Variants in CLGN observed in about 807,000 individuals in gnomAD.
CLGN encodes calmegin, also known as testis tissue sperm-binding protein Li 79P.
Under a neutral mutation model 79.1 loss-of-function variants are expected in CLGN, and 62 were observed. That is an observed-to-expected ratio of 0.78 (90% CI 0.64 to 0.97). CLGN has a LOEUF of 0.97. Among genes scored for constraint, CLGN ranks in the 50% least tolerant of loss-of-function variants. CLGN has a pLI of 0.00. For missense variants in CLGN, 647 were observed against 715.5 expected, an observed-to-expected ratio of 0.90 and a Z score of 1.09; for synonymous variants, 225 against 224.7, an observed-to-expected ratio of 1.00 and a Z score of -0.01.
At chr4:140,419,592 T>A (rs1053346404) in intron 1 of CLGN, among the ~76,000 whole-genome samples, 27 of 152,066 alleles carry the variant, frequency 1.8e-4, no homozygotes, top group African/African-American at 6.0e-4. Flanking sequence ...GTGGTAGAGT[T>A]TTACTAAAAT....
At chr4:140,402,457 C>A (rs1729017919) in intron 5 of CLGN, among the ~76,000 whole-genome samples, 1 of 151,972 alleles carries the variant, frequency 6.6e-6, no homozygotes, top group Non-Finnish European at 1.5e-5. Flanking sequence ...GCCGTAAGAA[C>A]CACAGCTACA....
intron 6 of CLGN, among the ~76,000 whole-genome samples, 184 bp from the exon 7 acceptor site, chr4:140,400,733 AT>A (rs929907433): frequency 2.6e-5 from 4 of 152,130 alleles, no homozygotes; most frequent in Admixed American, 6.6e-5. Flanking sequence ...TTCAATATAG[AT>A]TTTTTTAAGT....
intron 1 of CLGN, among the ~76,000 whole-genome samples, chr4:140,417,356 TTAGGCA>T (rs1444159185): frequency 1.4e-5 from 2 of 142,854 alleles, no homozygotes; most frequent in South Asian, 2.4e-4. Context: ...GCCAGGGCAA[TTAGGCA>T]GGAGAAGGAA....
intron 1 of CLGN, among the ~76,000 whole-genome samples, chr4:140,419,949 T>C (rs1249088897): frequency 6.6e-6 from 1 of 152,198 alleles, no homozygotes; most frequent in East Asian, 1.9e-4. Flanking sequence ...TCTAAAAGCC[T>C]AAGGGCCTTC....
At chr4:140,390,279 TA>T in intron 14 of CLGN, among the ~76,000 whole-genome samples, 1 of 151,892 alleles carries the variant, frequency 6.6e-6, no homozygotes, top group East Asian at 1.9e-4. Context: ...ACAACAGCTA[TA>T]AAAATTATAA....
intron 1 of CLGN, among the ~76,000 whole-genome samples, chr4:140,416,452 T>C (rs1181549337): frequency 2.6e-5 from 4 of 150,998 alleles, no homozygotes; most frequent in Non-Finnish European, 5.9e-5. Flanking sequence ...GATAGACTGC[T>C]AGCAAGACTA....
chr4:140,394,318 T>C (rs1053783313), intron 10 of CLGN, among the ~76,000 whole-genome samples: 1 of 152,220 alleles, frequency 6.6e-6, no homozygotes, highest in Admixed American at 6.5e-5. Context: ...TCACAATTTG[T>C]CTACTTTGGA....
At chr4:140,412,694 A>G (rs1254221900) in intron 2 of CLGN, among the ~76,000 whole-genome samples, 1 of 152,174 alleles carries the variant, frequency 6.6e-6, no homozygotes. Context: ...TCCTGTTTTG[A>G]TAGTAAAAAC....
At chr4:140,423,834 T>C (rs1010678344) in intron 1 of CLGN, among the ~76,000 whole-genome samples, 2 of 152,218 alleles carry the variant, frequency 1.3e-5, no homozygotes, top group Non-Finnish European at 2.9e-5. Context: ...TATTCTCTTA[T>C]AATCCCTCTT....
In CLGN at chr4:140,401,938, T is replaced by C. The variant is rs1296679062; in HGVS notation, c.501+47A>G. ...AGTTTTATCATTTGTTCCTTAAAAA[T>C]ACTTATTAACTTTAATAAGGTTTTC... is the stretch of plus-strand genomic sequence containing the variant. On this transcript the variant is annotated intron_variant, in intron 6 of 14. Coordinates refer to ENST00000325617, the MANE Select transcript of CLGN (RefSeq NM_004362.3). 5 of 1,011,054 alleles carry C rather than the reference T, an allele frequency of 4.9e-6. No individual in the cohort carries two copies. In the Admixed American group the frequency reaches 9.8e-5, roughly 20 times the overall value. The allele number at this position is 1,011,054 out of a possible 1,614,324, so 62.6% of individuals were successfully genotyped here.
intron 1 of CLGN, among the ~76,000 whole-genome samples, chr4:140,416,417 G>T (rs1283273082): frequency 6.8e-6 from 1 of 148,114 alleles, no homozygotes; most frequent in African/African-American, 2.5e-5. Flanking sequence ...CCAGGAGCTG[G>T]TTTTTTGAAA....
At chr4:140,412,725 T>G (rs1729236237) in intron 2 of CLGN, among the ~76,000 whole-genome samples, 1 of 152,204 alleles carries the variant, frequency 6.6e-6, no homozygotes, top group Non-Finnish European at 1.5e-5. Flanking sequence ...TTTATTTGTT[T>G]AAGAAACTGT....
At chr4:140,418,067 T>G (rs953914453) in intron 1 of CLGN, among the ~76,000 whole-genome samples, 2 of 146,912 alleles carry the variant, frequency 1.4e-5, no homozygotes, top group African/African-American at 5.0e-5. Context: ...AACTATCTGA[T>G]CTTTGACAAA....
intron 1 of CLGN, among the ~76,000 whole-genome samples, chr4:140,418,986 A>G (rs1010108776): frequency 1.3e-5 from 2 of 152,250 alleles, no homozygotes; most frequent in Non-Finnish European, 2.9e-5. Flanking sequence ...GGATTAAGAA[A>G]ATATGGCACA....
chr4:140,396,175 A>G lies in CLGN; in HGVS notation c.915T>C (p.Asp305=). ...AGCCAGCAGGTTTAACAACACTTGA[A>G]TCTTCTATTTGGGCAGGTTCACTTT... ...WDESEPAQIE[D]SSVVKPAGWL... The change falls in exon 9 of 15, where the codon GAT becomes GAC. Residue 305 remains aspartate, a synonymous_variant. Transcript: ENST00000325617. 1 of 1,614,158 alleles carries G rather than the reference A, an allele frequency of 6.2e-7. No homozygotes were observed. Among genetic ancestry groups the G allele is most frequent in the Middle Eastern group, 1.6e-4 (1 of 6,062 alleles).
intron 4 of CLGN, among the ~76,000 whole-genome samples, chr4:140,407,723 T>C (rs1729135139): frequency 1.3e-5 from 2 of 151,906 alleles, no homozygotes; most frequent in African/African-American, 4.8e-5. Flanking sequence ...TGCTCATGGA[T>C]TGGAAGAATC....
intron 1 of CLGN, among the ~76,000 whole-genome samples, chr4:140,421,668 G>C (rs1022965821): frequency 6.6e-6 from 1 of 152,042 alleles, no homozygotes; most frequent in African/African-American, 2.4e-5. Flanking sequence ...TTTGTTTTGA[G>C]TTGTAGGAGT....
intron 8 of CLGN, 85 bp from the exon 9 acceptor site, chr4:140,396,290 T>C: frequency 9.0e-7 from 1 of 1,113,444 alleles, no homozygotes; most frequent in Non-Finnish European, 1.3e-6. Context: ...CATAAAATTA[T>C]TTCCCTCCCT....
intron 4 of CLGN, among the ~76,000 whole-genome samples, chr4:140,408,860 C>CATATATATATATATAT (rs112593782): frequency 7.2e-6 from 1 of 138,398 alleles, no homozygotes. Context: ...AGTTGATAAG[C>CATATATATATATATAT]ATATATATAT....
Sources: gnomAD v4.1 joint callset for allele counts (sites outside exome capture counted in the v4.1 genomes callset) on GRCh38, gnomAD v4.1.1 for gene constraint, MANE v1.5 for transcripts, NCBI Gene and HGNC (gene_info 2026-07-23, HGNC 2026-07-21) for gene names.